Variants in MYT1L observed in about 807,000 individuals in gnomAD.
The protein encoded by MYT1L is myelin transcription factor 1 like.
Under a neutral mutation model 126.7 loss-of-function variants are expected in MYT1L, and 12 were observed. That is an observed-to-expected ratio of 0.09 (90% confidence interval 0.06 to 0.15). MYT1L has a LOEUF of 0.15. Among genes scored for constraint, MYT1L ranks in the 10% least tolerant of loss-of-function variants. MYT1L has a pLI of 1.00. For synonymous variants in MYT1L, 541 were observed against 604.2 expected, an observed-to-expected ratio of 0.90 and a Z score of 1.53; for missense variants, 979 against 1,585.2, an observed-to-expected ratio of 0.62 and a Z score of 6.49.
At chr2:2,286,962 G>C (rs1192191451) in intron 1 of MYT1L, among the ~76,000 whole-genome samples, 2 of 152,032 alleles carry the variant, frequency 1.3e-5, no homozygotes, top group Non-Finnish European at 2.9e-5. Flanking sequence ...GATACACACA[G>C]ACACACACAC....
At chr2:2,160,674 G>A (rs1029595139) in intron 3 of MYT1L, among the ~76,000 whole-genome samples, 1 of 152,162 alleles carries the variant, frequency 6.6e-6, no homozygotes, top group African/African-American at 2.4e-5. Context: ...AAGCTGCGGT[G>A]GCTTAGGTCT....
intron 21 of MYT1L, among the ~76,000 whole-genome samples, chr2:1,831,105 C>T (rs941198676): frequency 6.6e-6 from 1 of 151,952 alleles, no homozygotes; most frequent in Admixed American, 6.5e-5. Context: ...GTGTCCCAGA[C>T]ACCACCACAC....
chr2:2,199,821 C>T (rs1000041187), intron 2 of MYT1L, among the ~76,000 whole-genome samples: 9 of 152,216 alleles, frequency 5.9e-5, no homozygotes, highest in Admixed American at 2.6e-4. Flanking sequence ...CATGCAGACA[C>T]ACAAACCTGC....
chr2:2,077,515 T>C (rs900776405), intron 3 of MYT1L, among the ~76,000 whole-genome samples: 1 of 152,136 alleles, frequency 6.6e-6, no homozygotes, highest in African/African-American at 2.4e-5. Flanking sequence ...GTCTACAAAA[T>C]GTACTTTTAA....
At chr2:1,958,525 C>A (rs188708061) in intron 8 of MYT1L, among the ~76,000 whole-genome samples, 77 of 152,332 alleles carry the variant, frequency 5.1e-4, no homozygotes, top group African/African-American at 1.9e-3. Context: ...CCTCAAGCGG[C>A]CTCAGCTGTT....
chr2:1,793,941 T>C lies in MYT1L; in HGVS notation c.3277-1477A>G, dbSNP rs1382125124. Among the ~76,000 whole-genome samples, 1 of 152,184 alleles carries C rather than the reference T, an allele frequency of 6.6e-6. No individual in the cohort carries two copies. The highest frequency in any genetic ancestry group is 1.5e-5 in the Non-Finnish European group (1 of 68,024). ...TGTCTTCCAGAGCGTTCTGTAGCCC[T>C]TCCTGGGTGGCCACGTGCCTGCACT... On this transcript the variant is annotated intron_variant, in intron 23 of 24. Coordinates refer to ENST00000647738, the MANE Select transcript of MYT1L (RefSeq NM_001303052.2). This position sits in a 1 kb window ranked among gnomAD's most constrained non-coding sequence, Gnocchi z 4.6.
intron 4 of MYT1L, among the ~76,000 whole-genome samples, chr2:2,022,962 C>G (rs942259330): frequency 6.6e-6 from 1 of 152,152 alleles, no homozygotes; most frequent in African/African-American, 2.4e-5. Flanking sequence ...TCAGGACTCA[C>G]CTACATGGCC....
intron 2 of MYT1L, among the ~76,000 whole-genome samples, chr2:2,233,537 G>A (rs2094210500): frequency 6.6e-6 from 1 of 152,238 alleles, no homozygotes; most frequent in South Asian, 2.1e-4. Context: ...GGCCTCTGGT[G>A]TCTCAGGACA....
At chr2:1,866,792 A>G (rs1220591053) in intron 18 of MYT1L, among the ~76,000 whole-genome samples, 2 of 52,252 alleles carry the variant, frequency 3.8e-5, no homozygotes, top group African/African-American at 7.6e-5. Flanking sequence ...GGAGGGGGAG[A>G]GAGAGAGGCA....
chr2:1,949,542 C>T (rs1204439616), intron 8 of MYT1L, among the ~76,000 whole-genome samples: 1 of 152,196 alleles, frequency 6.6e-6, no homozygotes, highest in Non-Finnish European at 1.5e-5. Context: ...CCATGGCTTT[C>T]CCTCACAAAC....
chr2:2,132,850 A>G (rs566288062), intron 3 of MYT1L, among the ~76,000 whole-genome samples: 181 of 152,318 alleles, frequency 1.2e-3, no homozygotes, highest in African/African-American at 4.1e-3. Context: ...CAAGGCATCT[A>G]TGGAATCAGA....
intron 1 of MYT1L, among the ~76,000 whole-genome samples, chr2:2,288,896 C>G (rs556449100): frequency 6.6e-6 from 1 of 152,186 alleles, no homozygotes; most frequent in East Asian, 1.9e-4. Flanking sequence ...TATTCTTCTT[C>G]AAATCGATAG....
At chr2:1,899,720 T>A (rs898636386) in intron 14 of MYT1L, among the ~76,000 whole-genome samples, 3 of 152,230 alleles carry the variant, frequency 2.0e-5, no homozygotes, top group African/African-American at 7.2e-5. Flanking sequence ...AGTTTGCCAC[T>A]TTGGTAAAGC....
intron 2 of MYT1L, among the ~76,000 whole-genome samples, chr2:2,278,263 A>G (rs1211113818): frequency 6.6e-6 from 1 of 152,206 alleles, no homozygotes; most frequent in African/African-American, 2.4e-5. Flanking sequence ...GGCTACTATT[A>G]TCCTCATTTT....
At chr2:2,039,458 C>T (rs1200025721) in intron 4 of MYT1L, among the ~76,000 whole-genome samples, 1 of 151,986 alleles carries the variant, frequency 6.6e-6, no homozygotes, top group Admixed American at 6.5e-5. Context: ...GACAAATCTT[C>T]AGTTCAATAA....
intron 24 of MYT1L, 72 bp from the exon 25 acceptor site, chr2:1,792,079 T>C: frequency 7.7e-7 from 1 of 1,302,632 alleles, no homozygotes; most frequent in South Asian, 1.6e-5. Flanking sequence ...AAGCATAAAA[T>C]AGTATCATAG....
In MYT1L at chr2:1,892,181, G is replaced by A; in HGVS notation, c.2139C>T (p.Ser713=). 1.3e-6 allele frequency: 2 copies of A among 1,549,334 alleles called. No homozygotes were observed. Among genetic ancestry groups the A allele is most frequent in the Non-Finnish European group, 1.7e-6 (2 of 1,146,636 alleles). Residue 713 remains serine, a synonymous_variant, in exon 15 of 25, where the codon AGC becomes AGT. Coordinates refer to ENST00000647738, the MANE Select transcript of MYT1L (RefSeq NM_001303052.2). ...AGTCGAAGCTGCTCTTGCTGCACGT[G>A]CTGCTGGCGCTGCTGCCCCCGCCGC... ...LSCGGGSSAS[S]TCSKSSFDYT...
intron 3 of MYT1L, among the ~76,000 whole-genome samples, chr2:2,137,137 G>A (rs1276764981): frequency 1.3e-5 from 2 of 152,078 alleles, no homozygotes; most frequent in Non-Finnish European, 2.9e-5. Context: ...TACAAGGGAC[G>A]TGAAGGACCT....
intron 22 of MYT1L, among the ~76,000 whole-genome samples, chr2:1,807,554 T>C (rs2035910489): frequency 6.6e-6 from 1 of 152,140 alleles, no homozygotes. Flanking sequence ...TTTGTGGTGC[T>C]TGAAGAGGTT....
Sources: gnomAD v4.1 joint callset for allele counts (sites outside exome capture counted in the v4.1 genomes callset) on GRCh38, gnomAD v4.1.1 for gene constraint, Gnocchi (gnomAD v3.1) non-coding constraint, MANE v1.5 for transcripts, NCBI Gene and HGNC (gene_info 2026-07-23, HGNC 2026-07-21) for gene names.